Variants in PRDM10 observed in about 807,000 individuals in gnomAD.
The protein encoded by PRDM10 is PR domain zinc finger protein 10.
A neutral mutation model predicts 133.1 loss-of-function variants in PRDM10; 65 were observed. The observed-to-expected ratio is 0.49, with a 90% CI of 0.40 to 0.60. The LOEUF (loss-of-function observed/expected upper bound fraction) is 0.60, where lower values mean the gene tolerates loss of function less well. Ranked by LOEUF, PRDM10 falls within the 20% of genes least tolerant of loss-of-function variation. PRDM10 has a pLI of 0.00. For synonymous variants in PRDM10, 582 were observed against 580.4 expected, an observed-to-expected ratio of 1.00 and a Z score of -0.04; for missense variants, 1,137 against 1,507.1, an observed-to-expected ratio of 0.75 and a Z score of 4.07.
At chr11:129,920,040 C>T (rs1221385316) in intron 13 of PRDM10, among the ~76,000 whole-genome samples, 2 of 152,200 alleles carry the variant, frequency 1.3e-5, no homozygotes, top group Non-Finnish European at 2.9e-5. Context: ...AGTGTGGATA[C>T]AATGGCAAAG....
chr11:129,994,257 C>T (rs896098089), intron 1 of PRDM10, among the ~76,000 whole-genome samples: 3 of 151,620 alleles, frequency 2.0e-5, no homozygotes, highest in Non-Finnish European at 4.4e-5. Context: ...GTCAGGAGTT[C>T]GAGACCAGCC....
chr11:129,915,254 A>G (rs1267500428), intron 16 of PRDM10, among the ~76,000 whole-genome samples: 2 of 151,968 alleles, frequency 1.3e-5, no homozygotes, highest in South Asian at 2.1e-4. Context: ...CAAGGTCTCA[A>G]TACCCCCCCC....
chr11:129,926,763 TCTC>T (rs1235854103), intron 11 of PRDM10, among the ~76,000 whole-genome samples: 1 of 152,176 alleles, frequency 6.6e-6, no homozygotes, highest in East Asian at 1.9e-4. Context: ...CATACTTTAT[TCTC>T]CTTTGTATCC....
intron 8 of PRDM10, among the ~76,000 whole-genome samples, chr11:129,937,060 A>G (rs113496396): frequency 2.0e-5 from 3 of 152,354 alleles, no homozygotes; most frequent in African/African-American, 7.2e-5. Flanking sequence ...TTTGTTAACA[A>G]GCATATCTTA....
chr11:129,947,102 G>A lies in PRDM10; in HGVS notation c.520+43C>T. 2 of 1,604,482 alleles carry A rather than the reference G, an allele frequency of 1.2e-6. No homozygotes were observed. Among genetic ancestry groups the A allele is most frequent in the Non-Finnish European group, 1.7e-6 (2 of 1,174,640 alleles). ...CACGCACACGTACACAGACACACAA[G>A]ATGGACACAGCTTCCCTGGGGGAGA... On this transcript the variant is annotated intron_variant, in intron 5 of 20. Transcript: ENST00000360871. The surrounding 1 kb of genome is among the most constrained non-coding windows in gnomAD (Gnocchi z 4.6).
In PRDM10 at chr11:129,920,364, C is replaced by G. The variant is rs1950488158; in HGVS notation, c.2035-1646G>C. ...CGTGCTTTTTGGTATCAGCGGTGTT[C>G]CCAAACATCTAGCCTCTCAAGCTGC... On this transcript the variant is annotated intron_variant, in intron 13 of 20. Transcript: ENST00000360871. 2.0e-5 allele frequency among the ~76,000 whole-genome samples: 3 copies of G among 152,232 alleles called. No individual in the cohort carries two copies. In the South Asian group the frequency reaches 6.2e-4, roughly 32 times the overall value.
intron 1 of PRDM10, among the ~76,000 whole-genome samples, chr11:129,986,683 T>C (rs1405701563): frequency 6.6e-6 from 1 of 152,180 alleles, no homozygotes; most frequent in Non-Finnish European, 1.5e-5. Context: ...GTCTGCTGCA[T>C]GACTTTGCGT....
intron 7 of PRDM10, among the ~76,000 whole-genome samples, chr11:129,941,981 C>T (rs1951222675): frequency 1.3e-5 from 2 of 152,198 alleles, no homozygotes; most frequent in Admixed American, 1.3e-4. Context: ...TGGCTCTGCG[C>T]AATCTCCTGG....
At chr11:129,944,140 C>T (rs943906863) in intron 6 of PRDM10, among the ~76,000 whole-genome samples, 5 of 152,168 alleles carry the variant, frequency 3.3e-5, no homozygotes, top group African/African-American at 1.2e-4. Flanking sequence ...CAGAGGAAAC[C>T]AACCCTGCCA....
intron 1 of PRDM10, among the ~76,000 whole-genome samples, chr11:129,970,515 C>G (rs1365579433): frequency 6.6e-6 from 1 of 151,898 alleles, no homozygotes; most frequent in Non-Finnish European, 1.5e-5. Flanking sequence ...AATGACTCCA[C>G]TAATGAACCA....
intron 1 of PRDM10, among the ~76,000 whole-genome samples, chr11:129,990,851 GTATTT>G (rs1466319961): frequency 1.3e-5 from 2 of 152,034 alleles, no homozygotes; most frequent in East Asian, 3.9e-4. Flanking sequence ...AGAAAAATAA[GTATTT>G]TATTAAAGAC....
chr11:129,994,493 C>T (rs1565517600), intron 1 of PRDM10, among the ~76,000 whole-genome samples: 2 of 146,270 alleles, frequency 1.4e-5, no homozygotes, highest in East Asian at 4.1e-4. Context: ...AGAAACGAAA[C>T]TGGTGGTGGT....
chr11:129,968,168 C>T (rs1033346873), intron 1 of PRDM10, among the ~76,000 whole-genome samples: 1 of 152,188 alleles, frequency 6.6e-6, no homozygotes, highest in Non-Finnish European at 1.5e-5. Flanking sequence ...ACTGTTGGTA[C>T]ATTATTAACC....
intron 1 of PRDM10, among the ~76,000 whole-genome samples, chr11:129,993,674 C>T (rs1161350971): frequency 2.6e-5 from 4 of 152,114 alleles, no homozygotes; most frequent in East Asian, 1.9e-4. Flanking sequence ...TTAGTAGAGA[C>T]GGGGTTTCAC....
At chr11:129,992,180 C>T (rs1377524726) in intron 1 of PRDM10, among the ~76,000 whole-genome samples, 1 of 152,156 alleles carries the variant, frequency 6.6e-6, no homozygotes, top group African/African-American at 2.4e-5. Flanking sequence ...AAATAGAATC[C>T]TTTAACAGAT....
intron 4 of PRDM10, among the ~76,000 whole-genome samples, chr11:129,953,595 T>A (rs928718891): frequency 2.6e-5 from 4 of 152,140 alleles, no homozygotes; most frequent in African/African-American, 9.7e-5. Context: ...AAACATGTTT[T>A]TTAAGAGAAA....
chr11:129,912,494 G>A (rs1460346008), intron 17 of PRDM10, among the ~76,000 whole-genome samples: 1 of 152,050 alleles, frequency 6.6e-6, no homozygotes, highest in Non-Finnish European at 1.5e-5. Context: ...GCTCACGCCT[G>A]TAATCCCAGC....
chr11:129,994,015 TTAGG>T (rs1180128298), intron 1 of PRDM10, among the ~76,000 whole-genome samples: 1 of 152,198 alleles, frequency 6.6e-6, no homozygotes, highest in Non-Finnish European at 1.5e-5. Flanking sequence ...CTTCATTTAT[TTAGG>T]TTTTATTTAA....
At chr11:129,935,323 G>C in intron 8 of PRDM10, 105 bp from the exon 9 acceptor site, 2 of 826,830 alleles carry the variant, frequency 2.4e-6, no homozygotes, top group South Asian at 2.8e-5. Flanking sequence ...AGCCCAAAGA[G>C]TTCATAACTA....
Sources: gnomAD v4.1 joint callset for allele counts (sites outside exome capture counted in the v4.1 genomes callset) on GRCh38, gnomAD v4.1.1 for gene constraint, Gnocchi (gnomAD v3.1) non-coding constraint, MANE v1.5 for transcripts, NCBI Gene and HGNC (gene_info 2026-07-23, HGNC 2026-07-21) for gene names.